SECISBP2: variants seen among roughly 807,000 people sequenced by gnomAD.
SECISBP2 encodes the protein SECIS binding protein 2, also known as selenocysteine insertion sequence-binding protein 2.
Under a neutral mutation model 98.2 loss-of-function variants are expected in SECISBP2, and 96 were observed. The ratio of observed to expected loss-of-function variants is 0.98; its 90% CI spans 0.83 to 1.16. The LOEUF (loss-of-function observed/expected upper bound fraction) is 1.16. Ranked by LOEUF, SECISBP2 falls within the 50% of genes most tolerant of loss-of-function variation. SECISBP2 has a pLI of 0.00. For missense variants in SECISBP2, 1,046 were observed against 1,022.9 expected (o/e 1.02, Z -0.31); for synonymous variants, 407 against 370.2 (o/e 1.10, Z -1.14).
intron 2 of SECISBP2, among the ~76,000 whole-genome samples, chr9:89,320,090 C>T (rs1300628840): frequency 6.6e-6 from 1 of 152,166 alleles, no homozygotes; most frequent in African/African-American, 2.4e-5. Context: ...GGCGCTGTGG[C>T]TCACGCCTGT....
chr9:89,334,376 C>G, intron 6 of SECISBP2, 146 bp from the exon 7 acceptor site: 1 of 844,254 alleles, frequency 1.2e-6, no homozygotes, highest in Non-Finnish European at 1.9e-6. Context: ...TTAGTGACTA[C>G]TATAGTTTCC....
chr9:89,334,692 TAC>T lies in SECISBP2; in HGVS notation c.1053_1054del (p.Tyr351Ter), dbSNP rs773791084. ...TGAAGCTTTATCTTCGGATCCTTCCTACAACAAAGAAAAACACATTATTCATC... is the reference window on the plus strand; with the variant it reads ...TGAAGCTTTATCTTCGGATCCTTCCTAACAAAGAAAAACACATTATTCATC... Reference protein sequence around the residue: ...SSEALSSDPSYNKEKHIIHPT... With the variant: ...SSEALSSDPSXNKEKHIIHPT... On this transcript the variant is annotated frameshift_variant, in exon 7 of 17. Transcript: ENST00000375807. LOFTEE classifies it high-confidence loss of function. The T allele has an allele frequency of 6.2e-7, 1 of 1,613,936 alleles. No homozygotes were observed. The highest frequency in any genetic ancestry group is 8.5e-7 in the Non-Finnish European group (1 of 1,179,954).
At chr9:89,321,876 T>G (rs1420617201) in intron 2 of SECISBP2, among the ~76,000 whole-genome samples, 1 of 152,158 alleles carries the variant, frequency 6.6e-6, no homozygotes, top group Non-Finnish European at 1.5e-5. Context: ...TAATATAGAT[T>G]AAAAATTGCA....
Position 89,350,612 on chromosome 9 carries a change from A to G in SECISBP2, c.1893-20A>G, listed in dbSNP as rs1478003736. 2 of 1,608,314 alleles carry G rather than the reference A, an allele frequency of 1.2e-6. No homozygotes were observed. Among genetic ancestry groups the G allele is most frequent in the African/African-American group, 2.7e-5 (2 of 74,744 alleles). On this transcript the variant is annotated intron_variant, in intron 13 of 16. Coordinates refer to ENST00000375807, the MANE Select transcript of SECISBP2 (RefSeq NM_024077.5). ...GTCACAGCCAGTGGCACAATTCCTG[A>G]TGTCTGATGTTTCTTTCAGTTACTG...
In SECISBP2 at chr9:89,319,961, C is replaced by T. The variant is rs546314531; in HGVS notation, c.182+164C>T. On this transcript the variant is annotated intron_variant, in intron 2 of 16. Coordinates refer to ENST00000375807, the MANE Select transcript of SECISBP2 (RefSeq NM_024077.5). ...GCCAGTAGCACAACTTAACTGTATC[C>T]TGTGCCAAAAACAGAAGCTTTAACT... 4.6e-5 allele frequency among the ~76,000 whole-genome samples: 7 copies of T among 152,290 alleles called. No homozygotes were observed. The East Asian group carries it at 1.3e-3, about 29-fold the overall frequency.
At chr9:89,336,740 G>A (rs1428663596) in intron 7 of SECISBP2, among the ~76,000 whole-genome samples, 2 of 148,838 alleles carry the variant, frequency 1.3e-5, no homozygotes, top group Non-Finnish European at 3.0e-5. Context: ...CCAGGCGCAG[G>A]CTGGACAACA....
chr9:89,338,480 A>T lies in SECISBP2; in HGVS notation c.1112A>T (p.Asp371Val), dbSNP rs776183092. The T allele has an allele frequency of 7.4e-6, 12 of 1,613,606 alleles. No individual in the cohort carries two copies. In the African/African-American group the frequency reaches 1.6e-4, roughly 22 times the overall value. Residue 371 changes from aspartate to valine, a missense_variant, in exon 8 of 17, where the codon GAC becomes GTC. By Grantham distance (152) the Asp-to-Val change is radical (BLOSUM62 -3). Transcript: ENST00000375807. ...TQKSKASQGS[D>V]LEQNEASRKN... ...TAGTCTAAAGCATCACAAGGTAGTG[A>T]CCTTGAACAAAATGAAGCCTCAAGA...
intron 8 of SECISBP2, 121 bp from the exon 9 acceptor site, chr9:89,339,743 C>CTT (rs957656816): frequency 1.8e-5 from 12 of 677,154 alleles, no homozygotes; most frequent in Non-Finnish European, 2.8e-5. Flanking sequence ...AGTTTCGCGG[C>CTT]TTTTTTTTTT....
Position 89,346,902 on chromosome 9 carries a change from T to C in SECISBP2, c.1456T>C (p.Ser486Pro). ...TTCAGTTGGAGCAGTGCCAGTCCTT[T>C]CCAAAGAATGTGCATCAGGGGAGAG... The part of the protein sequence containing the change: ...VVSVGAVPVL[S>P]KECASGERGR... Residue 486 changes from serine (S) to proline (P), a missense_variant, in exon 11 of 17, where the codon TCC becomes CCC. Transcript: ENST00000375807. 1 of 1,614,042 alleles carries C rather than the reference T, an allele frequency of 6.2e-7. No individual in the cohort carries two copies. Among genetic ancestry groups the C allele is most frequent in the Non-Finnish European group, 8.5e-7 (1 of 1,179,988 alleles).
chr9:89,334,404 G>C (rs544873663), intron 6 of SECISBP2, 118 bp from the exon 7 acceptor site: 11 of 929,492 alleles, frequency 1.2e-5, no homozygotes, highest in Non-Finnish European at 1.9e-5. Context: ...TGTTTTAAAT[G>C]ATAGCCTACA....
At chr9:89,321,398 G>T (rs938027385) in intron 2 of SECISBP2, among the ~76,000 whole-genome samples, 1 of 152,244 alleles carries the variant, frequency 6.6e-6, no homozygotes, top group Non-Finnish European at 1.5e-5. Context: ...CGGGTGTGGT[G>T]GCTCATGCCT....
chr9:89,338,422 A>G (rs1829125677), intron 7 of SECISBP2, 36 bp from the exon 8 acceptor site: 3 of 1,611,602 alleles, frequency 1.9e-6, no homozygotes, highest in African/African-American at 1.3e-5. Context: ...TGACCGCCCT[A>G]AAAACAGGAT....
chr9:89,357,735 CCTT>C (rs1441940334), intron 15 of SECISBP2, among the ~76,000 whole-genome samples, 170 bp downstream of exon 15: 1 of 152,198 alleles, frequency 6.6e-6, no homozygotes. Flanking sequence ...GCCTTTGTCT[CCTT>C]GACATCATGG....
intron 5 of SECISBP2, among the ~76,000 whole-genome samples, chr9:89,331,227 C>T (rs562644436): frequency 6.6e-6 from 1 of 152,090 alleles, no homozygotes; most frequent in South Asian, 2.1e-4. Flanking sequence ...AAACTTTGTT[C>T]GTATTTTTTC....
At chr9:89,318,869 G>T in intron 1 of SECISBP2, 2 of 1,254,116 alleles carry the variant, frequency 1.6e-6, no homozygotes, top group African/African-American at 3.1e-5. Flanking sequence ...CAGTGACTGC[G>T]GCCCAGCCCG....
intron 5 of SECISBP2, 52 bp from the exon 6 acceptor site, chr9:89,332,856 C>A: frequency 7.2e-7 from 1 of 1,393,204 alleles, no homozygotes; most frequent in Non-Finnish European, 1.0e-6. Flanking sequence ...AGTGTTATCT[C>A]CTTGTTTTAA....
intron 5 of SECISBP2, among the ~76,000 whole-genome samples, chr9:89,330,988 T>G (rs942534862): frequency 6.6e-6 from 1 of 152,244 alleles, no homozygotes; most frequent in Admixed American, 6.5e-5. Flanking sequence ...TCACATACAC[T>G]CTTGAATTAT....
At chr9:89,327,955 G>A (rs1324641897) in intron 4 of SECISBP2, among the ~76,000 whole-genome samples, 2 of 151,980 alleles carry the variant, frequency 1.3e-5, no homozygotes, top group Non-Finnish European at 2.9e-5. Context: ...GGGGGCATGC[G>A]CCCCCACACC....
downstream of SECISBP2, chr9:89,363,784 T>C: frequency 1.2e-6 from 2 of 1,613,916 alleles, no homozygotes; most frequent in Non-Finnish European, 1.7e-6. Flanking sequence ...TCTTGTTCCC[T>C]GCTGAGGAGA....
Sources: gnomAD v4.1 joint callset for allele counts (sites outside exome capture counted in the v4.1 genomes callset) on GRCh38, gnomAD v4.1.1 for gene constraint, MANE v1.5 for transcripts, NCBI Gene and HGNC (gene_info 2026-07-23, HGNC 2026-07-21) for gene names.